The following FA2H variants were observed in gnomAD, a reference collection of about 807,000 sequenced individuals.
FA2H encodes fatty acid 2-hydroxylase.
FA2H carries 22 observed loss-of-function variants against 44.9 expected under a neutral mutation model. That is an observed-to-expected ratio of 0.49 (90% CI 0.35 to 0.70). The LOEUF (loss-of-function observed/expected upper bound fraction) is 0.70, where lower values mean the gene tolerates loss of function less well. Ranked by LOEUF, FA2H falls within the 30% of genes least tolerant of loss-of-function variation. The pLI is 0.01. For synonymous variants in FA2H, 243 were observed against 213.2 expected (o/e 1.14, Z -1.22); for missense variants, 501 against 504.9 (o/e 0.99, Z 0.07).
intron 1 of FA2H, among the ~76,000 whole-genome samples, chr16:74,750,651 G>A (rs1962510329): frequency 6.6e-6 from 1 of 152,090 alleles, no homozygotes; most frequent in Admixed American, 6.5e-5. Context: ...TCCTCCCTGT[G>A]CAGTTAAGGA....
intron 5 of FA2H, among the ~76,000 whole-genome samples, chr16:74,718,380 A>T (rs897547943): frequency 2.0e-5 from 3 of 152,050 alleles, no homozygotes; most frequent in African/African-American, 7.2e-5. Flanking sequence ...GGTACAGGGG[A>T]GGTAGCTTCC....
Position 74,774,816 on chromosome 16 carries a change from C to T in FA2H, c.-61G>A. On this transcript the variant is annotated 5_prime_UTR_variant, in exon 1 of 7. Transcript: ENST00000219368. The stretch of plus-strand genomic sequence containing the variant: ...GTCTGCTCTGCTGCCACCCTGAGCG[C>T]CTCTAACATCCCGGGAGCCCCGCGG... 8.0e-7 allele frequency: 1 copy of T among 1,244,428 alleles called. No individual in the cohort carries two copies. Among genetic ancestry groups the T allele is most frequent in the Non-Finnish European group, 1.0e-6 (1 of 996,294 alleles). 77.1% of individuals were successfully genotyped at this position (1,244,428 alleles called of 1,614,324 possible).
chr16:74,738,556 C>A (rs904106917), intron 2 of FA2H, among the ~76,000 whole-genome samples: 6 of 152,186 alleles, frequency 3.9e-5, no homozygotes, highest in African/African-American at 1.2e-4. Context: ...TGATGGCTGC[C>A]ACATTTGTTC....
At chr16:74,756,651 T>A (rs1567648106) in intron 1 of FA2H, among the ~76,000 whole-genome samples, 1 of 152,122 alleles carries the variant, frequency 6.6e-6, no homozygotes, top group African/African-American at 2.4e-5. Context: ...CAGTAGTGAT[T>A]TCATTGGTAT....
chr16:74,725,142 G>A (rs900478062), intron 4 of FA2H, among the ~76,000 whole-genome samples: 4 of 152,220 alleles, frequency 2.6e-5, no homozygotes, highest in African/African-American at 7.2e-5. Flanking sequence ...CGGTGACCGG[G>A]AGGAGCTCTG....
At chr16:74,735,054 G>A (rs1025766253) in intron 2 of FA2H, among the ~76,000 whole-genome samples, 1 of 152,232 alleles carries the variant, frequency 6.6e-6, no homozygotes, top group Non-Finnish European at 1.5e-5. Flanking sequence ...TCCTTCATGA[G>A]CCTTAATTCT....
At chr16:74,740,358 T>A (rs1489318203) in intron 1 of FA2H, among the ~76,000 whole-genome samples, 1 of 152,118 alleles carries the variant, frequency 6.6e-6, no homozygotes, top group Non-Finnish European at 1.5e-5. Flanking sequence ...GGCTCACACC[T>A]GTAATCCCAG....
At chr16:74,771,542 G>C (rs886704825) in intron 1 of FA2H, among the ~76,000 whole-genome samples, 1 of 151,746 alleles carries the variant, frequency 6.6e-6, no homozygotes, top group Non-Finnish European at 1.5e-5. Flanking sequence ...CACCATGTTG[G>C]CCAGACTGGT....
chr16:74,761,559 T>C (rs1962712481), intron 1 of FA2H, among the ~76,000 whole-genome samples: 1 of 152,220 alleles, frequency 6.6e-6, no homozygotes. Context: ...TATCCAACTG[T>C]TCTTTATCTG....
At chr16:74,760,455 C>T (rs749103337) in intron 1 of FA2H, among the ~76,000 whole-genome samples, 1 of 152,224 alleles carries the variant, frequency 6.6e-6, no homozygotes, top group African/African-American at 2.4e-5. Context: ...CAAGCCAACA[C>T]ATCATCCCAG....
At chr16:74,736,889 C>T (rs1230883268) in intron 2 of FA2H, among the ~76,000 whole-genome samples, 1 of 152,166 alleles carries the variant, frequency 6.6e-6, no homozygotes, top group Non-Finnish European at 1.5e-5. Flanking sequence ...CTAGTGTGCC[C>T]AGAGGTGACT....
intron 1 of FA2H, among the ~76,000 whole-genome samples, chr16:74,773,438 A>C (rs1478217997): frequency 6.6e-6 from 1 of 152,164 alleles, no homozygotes; most frequent in East Asian, 1.9e-4. Context: ...CTTGAAATGT[A>C]TCCCCTTGGA....
intron 1 of FA2H, among the ~76,000 whole-genome samples, chr16:74,750,599 T>G (rs1962509828): frequency 6.6e-6 from 1 of 152,204 alleles, no homozygotes. Flanking sequence ...TTCTTTTTGC[T>G]GATTCAAGCA....
chr16:74,773,350 T>C (rs1263844895), intron 1 of FA2H, among the ~76,000 whole-genome samples: 1 of 142,076 alleles, frequency 7.0e-6, no homozygotes, highest in Non-Finnish European at 1.6e-5. Context: ...AACTTTATCA[T>C]AGATATGCAT....
At chr16:74,732,707 A>C (rs768535358) in intron 2 of FA2H, among the ~76,000 whole-genome samples, 1 of 152,198 alleles carries the variant, frequency 6.6e-6, no homozygotes, top group Non-Finnish European at 1.5e-5. Context: ...AAGTGCTGGG[A>C]TTACAGGTGT....
intron 4 of FA2H, 195 bp downstream of exon 4, chr16:74,726,030 T>G: frequency 6.9e-6 from 4 of 579,336 alleles, no homozygotes; most frequent in Non-Finnish European, 1.3e-5. Context: ...TGTTGGGTTT[T>G]GTATCCATTT....
intron 6 of FA2H, among the ~76,000 whole-genome samples, chr16:74,716,062 GCCTCGGCTTCCCAATCC>G (rs1188740414): frequency 4.6e-5 from 7 of 152,098 alleles, no homozygotes; most frequent in Admixed American, 2.0e-4. Context: ...TGATCTACCT[GCCTCGGCTTCCCAATCC>G]CCTCGGCTGG....
rs1405183655 is a variant in FA2H at position 74,719,132 on chromosome 16, C to T, written c.642G>A (p.Met214Ile). The change falls in exon 5 of 7, where the codon ATG becomes ATA. Residue 214 changes from methionine (M) to isoleucine (I), a missense_variant. Transcript: ENST00000219368. ...TEYTVAVPKS[M>I]FPGLFMLGTF... Reference sequence around the variant, plus strand: ...TCCCCAGCATGAAGAGCCCGGGGAACATGGACTTGGGCACTGCCACCGTGT... The same window carrying T: ...TCCCCAGCATGAAGAGCCCGGGGAATATGGACTTGGGCACTGCCACCGTGT... The T allele has an allele frequency of 1.2e-6, 2 of 1,613,728 alleles. No homozygotes were observed. Among genetic ancestry groups the T allele is most frequent in the Non-Finnish European group, 1.7e-6 (2 of 1,180,036 alleles).
intron 1 of FA2H, among the ~76,000 whole-genome samples, chr16:74,758,163 C>T (rs1234248254): frequency 1.4e-5 from 2 of 143,506 alleles, no homozygotes; most frequent in Non-Finnish European, 1.5e-5. Flanking sequence ...GACTGTCGCC[C>T]GGGCTGGAGT....
Sources: gnomAD v4.1 joint callset for allele counts (sites outside exome capture counted in the v4.1 genomes callset) on GRCh38, gnomAD v4.1.1 for gene constraint, MANE v1.5 for transcripts, NCBI Gene and HGNC (gene_info 2026-07-23, HGNC 2026-07-21) for gene names.